CTNNA3: variants seen among roughly 807,000 people sequenced by gnomAD.
CTNNA3 encodes the protein catenin alpha-3.
Under a neutral mutation model 95.7 loss-of-function variants are expected in CTNNA3, and 76 were observed. That is an observed-to-expected ratio of 0.79 (90% CI 0.66 to 0.96). The LOEUF (loss-of-function observed/expected upper bound fraction) is 0.96. Ranked by LOEUF, CTNNA3 falls within the 40% of genes least tolerant of loss-of-function variation. CTNNA3 has a pLI of 0.00. For synonymous variants in CTNNA3, 431 were observed against 374.4 expected (o/e 1.15, Z -1.74); for missense variants, 1,191 against 1,089.8 (o/e 1.09, Z -1.31).
chr10:66,040,515 G>A (rs1564596999), intron 15 of CTNNA3, among the ~76,000 whole-genome samples: 1 of 151,580 alleles, frequency 6.6e-6, no homozygotes, highest in African/African-American at 2.4e-5. Context: ...AGTAACTATG[G>A]TACATATACA....
intron 1 of CTNNA3, among the ~76,000 whole-genome samples, chr10:67,691,188 T>C (rs975327040): frequency 1.3e-5 from 2 of 152,180 alleles, no homozygotes; most frequent in Non-Finnish European, 2.9e-5. Flanking sequence ...TCTCGTTCAC[T>C]CAGTGCTCAA....
intron 13 of CTNNA3, among the ~76,000 whole-genome samples, chr10:66,150,532 T>C (rs1004691385): frequency 6.6e-6 from 1 of 151,950 alleles, no homozygotes; most frequent in African/African-American, 2.4e-5. Context: ...TAGTCATACA[T>C]ATTTATGGGC....
At chr10:67,161,733 C>A (rs1861559766) in intron 7 of CTNNA3, among the ~76,000 whole-genome samples, 2 of 152,100 alleles carry the variant, frequency 1.3e-5, no homozygotes, top group South Asian at 2.1e-4. Context: ...AATTAAAAGA[C>A]AGAGGTTAGC....
chr10:65,933,994 A>T (rs896014450), intron 17 of CTNNA3, among the ~76,000 whole-genome samples: 1 of 152,168 alleles, frequency 6.6e-6, no homozygotes, highest in Non-Finnish European at 1.5e-5. Context: ...GATGGTGTAA[A>T]AACATGAAAT....
chr10:66,273,189 A>C (rs1159821555), intron 13 of CTNNA3, among the ~76,000 whole-genome samples: 2 of 152,170 alleles, frequency 1.3e-5, no homozygotes, highest in Non-Finnish European at 2.9e-5. Context: ...GATTGCCTGC[A>C]TCACTACGTG....
chr10:67,418,675 T>A (rs1845629506), intron 5 of CTNNA3, among the ~76,000 whole-genome samples: 1 of 152,148 alleles, frequency 6.6e-6, no homozygotes, highest in East Asian at 1.9e-4. Flanking sequence ...AGTAGAATGC[T>A]AGTTACCAGG....
At chr10:67,158,822 C>A (rs1240971898) in intron 7 of CTNNA3, among the ~76,000 whole-genome samples, 3 of 151,300 alleles carry the variant, frequency 2.0e-5, no homozygotes, top group Non-Finnish European at 4.4e-5. Context: ...CTATATAAAT[C>A]ACTATCAATC....
intron 9 of CTNNA3, among the ~76,000 whole-genome samples, chr10:66,730,924 CAT>C (rs1387401183): frequency 6.6e-6 from 1 of 152,170 alleles, no homozygotes; most frequent in Non-Finnish European, 1.5e-5. Context: ...TTTATCTAAT[CAT>C]AGAGATAACA....
chr10:66,717,792 A>T (rs937070970), intron 9 of CTNNA3, among the ~76,000 whole-genome samples: 1 of 152,182 alleles, frequency 6.6e-6, no homozygotes, highest in Non-Finnish European at 1.5e-5. Context: ...AATTAACTTT[A>T]ATAAGCCAGC....
At chr10:65,990,753 A>G (rs2133333677) in intron 15 of CTNNA3, among the ~76,000 whole-genome samples, 1 of 152,038 alleles carries the variant, frequency 6.6e-6, no homozygotes, top group Non-Finnish European at 1.5e-5. Flanking sequence ...TTTGATGTGC[A>G]GAAGCTTTTT....
At chr10:67,099,103 T>G (rs1349598576) in intron 7 of CTNNA3, 1 of 151,808 alleles carries the variant, frequency 6.6e-6, no homozygotes, top group Non-Finnish European at 1.5e-5. Context: ...CTATCCATAA[T>G]GGGATTCACC....
chr10:66,745,090 C>G (rs540263399), intron 9 of CTNNA3, among the ~76,000 whole-genome samples: 249 of 152,306 alleles, frequency 1.6e-3, no homozygotes, highest in African/African-American at 5.8e-3. Flanking sequence ...GCTCCACCCC[C>G]AGCGCTTCTC....
chr10:67,366,560 G>A (rs1462190025), intron 5 of CTNNA3, among the ~76,000 whole-genome samples: 1 of 152,014 alleles, frequency 6.6e-6, no homozygotes, highest in Non-Finnish European at 1.5e-5. Context: ...AGAATTGCTT[G>A]AACCTGGGAG....
intron 1 of CTNNA3, chr10:67,751,262 G>A (rs1589589261): frequency 1.7e-6 from 2 of 1,190,382 alleles, no homozygotes; most frequent in East Asian, 2.4e-5. Context: ...ATTACACAGG[G>A]AATTCTCTTT....
intron 9 of CTNNA3, among the ~76,000 whole-genome samples, chr10:66,701,014 C>T (rs117884824): frequency 0.034 from 5,231 of 152,186 alleles, 122 homozygotes; most frequent in Middle Eastern, 0.054. Flanking sequence ...AAATAAACAT[C>T]CCACATTTCA....
chr10:66,716,589 G>A (rs566412329), intron 9 of CTNNA3, among the ~76,000 whole-genome samples: 10 of 152,276 alleles, frequency 6.6e-5, no homozygotes, highest in Admixed American at 6.5e-4. Context: ...CTGAGCCAGT[G>A]CTGTAGGCCA....
At chr10:67,387,956 G>C (rs1027092809) in intron 5 of CTNNA3, among the ~76,000 whole-genome samples, 5 of 151,982 alleles carry the variant, frequency 3.3e-5, no homozygotes, top group African/African-American at 9.7e-5. Flanking sequence ...CACAAAGATG[G>C]GGAAAAAACA....
intron 10 of CTNNA3, among the ~76,000 whole-genome samples, chr10:66,527,687 C>T (rs1031181280): frequency 2.6e-5 from 4 of 152,010 alleles, no homozygotes; most frequent in Non-Finnish European, 4.4e-5. Context: ...CATTTCATTT[C>T]GTATGATGCT....
intron 5 of CTNNA3, among the ~76,000 whole-genome samples, chr10:67,435,422 T>C (rs1201432477): frequency 2.6e-5 from 4 of 151,752 alleles, no homozygotes; most frequent in Non-Finnish European, 4.4e-5. Context: ...AGAAAGGGAA[T>C]AGGCCCACTC....
Sources: allele counts gnomAD v4.1 joint callset (sites outside exome capture counted in the v4.1 genomes callset), GRCh38; gene constraint gnomAD v4.1.1; transcripts MANE v1.5; gene names NCBI Gene and HGNC (gene_info 2026-07-23, HGNC 2026-07-21).